Variants in ZNRF1 observed in about 807,000 individuals in gnomAD.
ZNRF1 encodes the protein E3 ubiquitin-protein ligase ZNRF1.
Under a neutral mutation model 18.4 loss-of-function variants are expected in ZNRF1, and 3 were observed. That is an observed-to-expected ratio of 0.16 (90% CI 0.07 to 0.42). The LOEUF (loss-of-function observed/expected upper bound fraction) is 0.42, where lower values mean the gene tolerates loss of function less well. Among genes scored for constraint, ZNRF1 ranks in the 10% least tolerant of loss-of-function variants. ZNRF1 has a pLI of 0.99. For missense variants in ZNRF1, 310 were observed against 329.8 expected (o/e 0.94, Z 0.47); for synonymous variants, 157 against 144.2 (o/e 1.09, Z -0.64).
Position 74,999,735 on chromosome 16 carries a change from G to T in ZNRF1, c.64G>T (p.Asp22Tyr). 7.2e-7 allele frequency: 1 copy of T among 1,391,460 alleles called. No homozygotes were observed. 86.2% of individuals were successfully genotyped at this position (1,391,460 alleles called of 1,614,324 possible). ...RGPFPGVSTD[D>Y]SAVPPPGGAP... ...CCCCTTCCCGGGGGTCTCCACCGAT[G>T]ACAGCGCCGTGCCGCCGCCGGGAGG... The change falls in exon 1 of 5, where the codon GAC (aspartate) becomes TAC (tyrosine). Residue 22 changes from aspartate (D) to tyrosine (Y), a missense_variant. By Grantham distance (160) the Asp-to-Tyr change is radical (BLOSUM62 -3). This residue lies in a region of ZNRF1 where 293 missense variants were observed against 291.2 expected (regional missense o/e 1.01). Coordinates refer to ENST00000335325, the MANE Select transcript of ZNRF1 (RefSeq NM_032268.5).
intron 1 of ZNRF1, among the ~76,000 whole-genome samples, chr16:75,066,165 C>G (rs1211206138): frequency 6.6e-6 from 1 of 152,170 alleles, no homozygotes; most frequent in African/African-American, 2.4e-5. Context: ...ATAAAAAAGA[C>G]TAAACAGATA....
At chr16:75,037,699 C>T (rs931423945) in intron 1 of ZNRF1, among the ~76,000 whole-genome samples, 2 of 152,140 alleles carry the variant, frequency 1.3e-5, no homozygotes, top group East Asian at 3.8e-4. Context: ...TTCACCTTTT[C>T]TTCCATCTCC....
intron 1 of ZNRF1, among the ~76,000 whole-genome samples, chr16:75,092,519 A>G (rs1360440575): frequency 6.6e-6 from 1 of 152,256 alleles, no homozygotes; most frequent in East Asian, 1.9e-4. Flanking sequence ...GTATATGGAA[A>G]AGAATTGATC....
intron 1 of ZNRF1, among the ~76,000 whole-genome samples, chr16:75,092,046 C>T (rs553107903): frequency 6.6e-6 from 1 of 152,182 alleles, no homozygotes; most frequent in East Asian, 1.9e-4. Flanking sequence ...CACCTGTAAT[C>T]CTAGCACTTT....
At chr16:75,096,052 A>ATGTGTGCACGTGTGTG (rs1479914482) in intron 2 of ZNRF1, among the ~76,000 whole-genome samples, 1 of 110,010 alleles carries the variant, frequency 9.1e-6, no homozygotes, top group Non-Finnish European at 1.9e-5. Flanking sequence ...GTGTTTCTGT[A>ATGTGTGCACGTGTGTG]TGTGTGCACG....
At chr16:75,041,870 C>A (rs1440590678) in intron 1 of ZNRF1, among the ~76,000 whole-genome samples, 3 of 151,752 alleles carry the variant, frequency 2.0e-5, no homozygotes, top group Non-Finnish European at 4.4e-5. Context: ...GTGGCAGACG[C>A]CTATAATCCC....
chr16:75,040,524 T>C (rs1409791875), intron 1 of ZNRF1, among the ~76,000 whole-genome samples: 1 of 151,844 alleles, frequency 6.6e-6, no homozygotes, highest in African/African-American at 2.4e-5. Context: ...TTCATATAAA[T>C]GAAATCATAC....
chr16:75,084,024 T>C (rs1170348801), intron 1 of ZNRF1, among the ~76,000 whole-genome samples: 3 of 152,216 alleles, frequency 2.0e-5, no homozygotes, highest in African/African-American at 7.2e-5. Flanking sequence ...GAGGTGGGAC[T>C]CTGCTCACCA....
At chr16:75,075,827 A>C in intron 1 of ZNRF1, among the ~76,000 whole-genome samples, 1 of 152,320 alleles carries the variant, frequency 6.6e-6, no homozygotes, top group South Asian at 2.1e-4. Context: ...ATCATTGGCA[A>C]CCGTGGAAAG....
At chr16:75,055,282 A>G (rs939988463) in intron 1 of ZNRF1, among the ~76,000 whole-genome samples, 1 of 152,112 alleles carries the variant, frequency 6.6e-6, no homozygotes, top group African/African-American at 2.4e-5. Context: ...ATTTTTATTT[A>G]TTTATTTTTG....
chr16:75,066,161 A>C (rs2035801144), intron 1 of ZNRF1, among the ~76,000 whole-genome samples: 1 of 152,216 alleles, frequency 6.6e-6, no homozygotes, highest in Non-Finnish European at 1.5e-5. Flanking sequence ...CTACATAAAA[A>C]AGACTAAACA....
At position 75,091,652 on chromosome 16, in the gene ZNRF1, C is replaced by T. The variant is rs529804121; in HGVS notation, c.425-1920C>T. On this transcript the variant is annotated intron_variant, in intron 1 of 4. Coordinates refer to ENST00000335325, the MANE Select transcript of ZNRF1 (RefSeq NM_032268.5). ...GGCTCAAGCCATCCTCCCACCTCAG[C>T]CTCTCAAGTAGCTAGGACTACAGGC... 1.1e-4 allele frequency among the ~76,000 whole-genome samples: 16 copies of T among 151,794 alleles called. No individual in the cohort carries two copies. In the South Asian group the frequency reaches 2.3e-3, roughly 22 times the overall value.
intron 1 of ZNRF1, among the ~76,000 whole-genome samples, chr16:75,027,531 C>G (rs1010376247): frequency 1.3e-5 from 2 of 152,152 alleles, no homozygotes; most frequent in Non-Finnish European, 2.9e-5. Flanking sequence ...TTGACTCCAG[C>G]AGGAACTACA....
chr16:75,103,713 G>A lies in ZNRF1; in HGVS notation c.521-1071G>A, dbSNP rs567395500. 9.0e-4 allele frequency among the ~76,000 whole-genome samples: 137 copies of A among 152,276 alleles called. 1 individual carries two copies. Among genetic ancestry groups the A allele is most frequent in the Middle Eastern group, 6.8e-3 (2 of 294 alleles). Reference sequence around the variant, plus strand: ...TAAAAGGGGAAAAAACGGGTCAGGCGTGGTGGCTCACACCTGTAATCCCAG... The same window carrying A: ...TAAAAGGGGAAAAAACGGGTCAGGCATGGTGGCTCACACCTGTAATCCCAG... On this transcript the variant is annotated intron_variant, in intron 2 of 4. Coordinates refer to ENST00000335325, the MANE Select transcript of ZNRF1 (RefSeq NM_032268.5).
At chr16:75,054,620 T>G (rs1163821537) in intron 1 of ZNRF1, among the ~76,000 whole-genome samples, 1 of 152,246 alleles carries the variant, frequency 6.6e-6, no homozygotes, top group Non-Finnish European at 1.5e-5. Flanking sequence ...CCATTGCTTT[T>G]TAGCCTAAGC....
chr16:75,057,002 G>C (rs1053095693), intron 1 of ZNRF1, among the ~76,000 whole-genome samples: 12 of 152,140 alleles, frequency 7.9e-5, no homozygotes, highest in African/African-American at 2.4e-4. Flanking sequence ...GCATCCTCTA[G>C]TTCAGTTTCT....
chr16:75,048,404 G>T (rs1411255071), intron 1 of ZNRF1, among the ~76,000 whole-genome samples: 1 of 152,172 alleles, frequency 6.6e-6, no homozygotes, highest in Non-Finnish European at 1.5e-5. Context: ...TAAATTTGGG[G>T]AGGGACACTA....
rs753269868 is a variant in ZNRF1 at position 74,999,806 on chromosome 16, G to A, written c.135G>A (p.Gly45=). 102 of 1,442,678 alleles carry A rather than the reference G, an allele frequency of 7.1e-5. No homozygotes were observed. The highest frequency in any genetic ancestry group is 3.9e-4 in the Middle Eastern group (2 of 5,068). 89.4% of individuals were successfully genotyped at this position (1,442,678 alleles called of 1,614,324 possible). A position where few individuals can be genotyped will look rare whatever the true frequency, so the allele number is the denominator to read the frequency against. Reference sequence around the variant, plus strand: ...ACCGGACGGGCGGCGGGGCCATGGGGCTGCGCAGCCGCTCGGTCAGCTCGG... The same window carrying A: ...ACCGGACGGGCGGCGGGGCCATGGGACTGCGCAGCCGCTCGGTCAGCTCGG... ...GHYRTGGGAM[G]LRSRSVSSVA... is the part of the protein sequence containing the mutation. The change falls in exon 1 of 5, where the codon GGG becomes GGA. Residue 45 remains glycine, a synonymous_variant. Coordinates refer to ENST00000335325, the MANE Select transcript of ZNRF1 (RefSeq NM_032268.5).
intron 1 of ZNRF1, among the ~76,000 whole-genome samples, chr16:75,034,048 C>T (rs1408698829): frequency 6.6e-6 from 1 of 151,806 alleles, no homozygotes; most frequent in Non-Finnish European, 1.5e-5. Context: ...GTCCCAGCTA[C>T]TTGGGAGGCT....
Sources: gnomAD v4.1 joint callset for allele counts (sites outside exome capture counted in the v4.1 genomes callset) on GRCh38, gnomAD v4.1.1 for gene constraint, gnomAD v4.1.1 regional missense constraint, MANE v1.5 for transcripts, NCBI Gene and HGNC (gene_info 2026-07-23, HGNC 2026-07-21) for gene names.